Variants in RBFOX1 observed in about 807,000 individuals in gnomAD.
The protein encoded by RBFOX1 is RNA binding fox-1 homolog 1, also known as RNA binding protein fox-1 homolog 1.
In RBFOX1, 8 loss-of-function variants were observed where a neutral mutation model predicts 57.7. That is an observed-to-expected ratio of 0.14 (90% CI 0.08 to 0.25). RBFOX1 has a LOEUF of 0.25. Ranked by LOEUF, RBFOX1 falls within the 10% of genes least tolerant of loss-of-function variation. RBFOX1 has a pLI of 1.00. For missense variants in RBFOX1, 611 were observed against 548.5 expected (o/e 1.11, Z -1.14); for synonymous variants, 326 against 222.4 (o/e 1.47, Z -4.15).
At chr16:7,502,774 A>G (rs2071400450) in intron 4 of RBFOX1, among the ~76,000 whole-genome samples, 1 of 152,206 alleles carries the variant, frequency 6.6e-6, no homozygotes, top group Non-Finnish European at 1.5e-5. Flanking sequence ...CTGTAATCCC[A>G]GAACTTTGAA....
At chr16:7,181,540 C>G (rs1354354476) in intron 4 of RBFOX1, among the ~76,000 whole-genome samples, 3 of 143,188 alleles carry the variant, frequency 2.1e-5, no homozygotes, top group Non-Finnish European at 4.4e-5. Context: ...CTTGCTCTCT[C>G]TCTCTTTCTC....
intron 2 of RBFOX1, among the ~76,000 whole-genome samples, chr16:5,476,716 A>G (rs1428058236): frequency 1.3e-5 from 2 of 152,180 alleles, no homozygotes; most frequent in African/African-American, 2.4e-5. Context: ...TCGCTGCACA[A>G]ACCACCAGCT....
chr16:5,831,850 A>G (rs1035139742), intron 3 of RBFOX1, among the ~76,000 whole-genome samples: 2 of 152,204 alleles, frequency 1.3e-5, no homozygotes, highest in Admixed American at 1.3e-4. Context: ...TTTATAAATG[A>G]ATGCATAAGC....
In RBFOX1 at chr16:5,395,759, G is replaced by A. The variant is rs183570006; in HGVS notation, c.220-71457G>A. 7.2e-5 allele frequency among the ~76,000 whole-genome samples: 11 copies of A among 152,290 alleles called. No individual in the cohort carries two copies. In the East Asian group the frequency reaches 1.7e-3, roughly 24 times the overall value. On this transcript the variant is annotated intron_variant, in intron 1 of 2. Coordinates refer to the RBFOX1 transcript ENST00000585867. ...AAAACTCCATCTTCCCAGCAGACTC[G>A]CATTCTTTCCACTGCTGACAGTGAA...
At chr16:7,568,607 T>C (rs2092393303) in intron 5 of RBFOX1, among the ~76,000 whole-genome samples, 1 of 152,046 alleles carries the variant, frequency 6.6e-6, no homozygotes, top group South Asian at 2.1e-4. Context: ...CTTAACTGGC[T>C]GGGCGCGGTG....
intron 1 of RBFOX1, among the ~76,000 whole-genome samples, chr16:5,351,518 C>T (rs911012828): frequency 6.6e-6 from 1 of 152,172 alleles, no homozygotes; most frequent in African/African-American, 2.4e-5. Flanking sequence ...GGAGGGTCAC[C>T]TGGCCCCCAG....
chr16:7,207,528 A>C (rs73547526), intron 4 of RBFOX1, among the ~76,000 whole-genome samples: 15,331 of 152,244 alleles, frequency 0.1, 843 homozygotes, highest in African/African-American at 0.12. Flanking sequence ...GATCCAGTGA[A>C]TATTGACAGA....
chr16:6,896,670 G>A (rs150933001), intron 3 of RBFOX1, among the ~76,000 whole-genome samples: 6 of 152,234 alleles, frequency 3.9e-5, no homozygotes, highest in East Asian at 1.9e-4. Flanking sequence ...CATCATCAAC[G>A]CCATATAAGT....
chr16:6,622,684 A>G (rs530928814), intron 2 of RBFOX1, among the ~76,000 whole-genome samples: 2 of 152,336 alleles, frequency 1.3e-5, no homozygotes, highest in East Asian at 3.9e-4. Context: ...TGAATGAGTG[A>G]GCAATTTGTC....
At chr16:7,122,951 G>C (rs1197582661) in intron 4 of RBFOX1, among the ~76,000 whole-genome samples, 1 of 151,964 alleles carries the variant, frequency 6.6e-6, no homozygotes, top group Non-Finnish European at 1.5e-5. Context: ...AGTCTCAAAC[G>C]ATGACATAGT....
At chr16:7,609,781 C>T (rs987662862) in intron 10 of RBFOX1, among the ~76,000 whole-genome samples, 8 of 151,738 alleles carry the variant, frequency 5.3e-5, no homozygotes, top group African/African-American at 1.9e-4. Context: ...GTGTTCTTTA[C>T]AACCAGTTGA....
At chr16:7,568,922 G>A (rs545821253) in intron 5 of RBFOX1, among the ~76,000 whole-genome samples, 1 of 141,350 alleles carries the variant, frequency 7.1e-6, no homozygotes, top group Non-Finnish European at 1.5e-5. Flanking sequence ...ACTTAAAACT[G>A]TCTGGGAATG....
chr16:7,357,106 C>G (rs1486625213), intron 4 of RBFOX1, among the ~76,000 whole-genome samples: 1 of 152,006 alleles, frequency 6.6e-6, no homozygotes, highest in South Asian at 2.1e-4. Context: ...AGTGTCATGA[C>G]CAGAGATGGG....
At chr16:5,319,610 C>T (rs914287341) in intron 1 of RBFOX1, among the ~76,000 whole-genome samples, 1 of 152,128 alleles carries the variant, frequency 6.6e-6, no homozygotes, top group Non-Finnish European at 1.5e-5. Context: ...TGGATGGGTT[C>T]CCAGCCTGGT....
At chr16:5,853,283 C>T (rs1437576829) in intron 3 of RBFOX1, among the ~76,000 whole-genome samples, 3 of 152,140 alleles carry the variant, frequency 2.0e-5, no homozygotes, top group Non-Finnish European at 4.4e-5. Context: ...ACCCTCACCT[C>T]CTGAGAACGG....
chr16:5,712,912 G>A (rs2051547449), intron 3 of RBFOX1, among the ~76,000 whole-genome samples: 1 of 152,194 alleles, frequency 6.6e-6, no homozygotes, highest in African/African-American at 2.4e-5. Flanking sequence ...GACTAGTCAT[G>A]TTTTTCCATG....
At chr16:6,165,796 A>C (rs1166717416) in intron 1 of RBFOX1, among the ~76,000 whole-genome samples, 4 of 152,208 alleles carry the variant, frequency 2.6e-5, no homozygotes, top group Non-Finnish European at 5.9e-5. Flanking sequence ...TATTTACAAG[A>C]AATCTGAGCT....
chr16:7,414,532 A>G (rs985929700), intron 4 of RBFOX1, among the ~76,000 whole-genome samples: 1 of 152,214 alleles, frequency 6.6e-6, no homozygotes, highest in African/African-American at 2.4e-5. Flanking sequence ...GAAAAGTGTG[A>G]CTTTCCAACC....
chr16:7,578,048 A>C (rs913322395), intron 5 of RBFOX1, among the ~76,000 whole-genome samples: 8 of 152,244 alleles, frequency 5.3e-5, no homozygotes, highest in African/African-American at 1.7e-4. Context: ...ATGTGTAAAC[A>C]CTTTAAAAAT....
Sources: gnomAD v4.1 joint callset for allele counts (sites outside exome capture counted in the v4.1 genomes callset) on GRCh38, gnomAD v4.1.1 for gene constraint, MANE v1.5 for transcripts, NCBI Gene and HGNC (gene_info 2026-07-23, HGNC 2026-07-21) for gene names.